COMMD1: variants seen among roughly 807,000 people sequenced by gnomAD.
The protein encoded by COMMD1 is COMM domain-containing protein 1.
In COMMD1, 10 loss-of-function variants were observed where a neutral mutation model predicts 17.2. The observed-to-expected ratio is 0.58, with a 90% CI of 0.36 to 0.99. The LOEUF (loss-of-function observed/expected upper bound fraction) is 0.99. COMMD1 is among the 50% of genes least tolerant of loss of function. COMMD1 has a pLI of 0.01. For missense variants in COMMD1, 270 were observed against 231.8 expected, an observed-to-expected ratio of 1.17 and a Z score of -1.07; for synonymous variants, 97 against 91.6, an observed-to-expected ratio of 1.06 and a Z score of -0.34.
chr2:61,956,322 A>G (rs1671197089), intron 1 of COMMD1, among the ~76,000 whole-genome samples: 1 of 152,248 alleles, frequency 6.6e-6, no homozygotes, highest in Non-Finnish European at 1.5e-5. Context: ...GATCTGTATC[A>G]GACAACTTGG....
chr2:62,125,460 AT>A (rs1287962836), intron 2 of COMMD1, among the ~76,000 whole-genome samples: 1 of 152,102 alleles, frequency 6.6e-6, no homozygotes, highest in Non-Finnish European at 1.5e-5. Context: ...GATTTGCAGT[AT>A]GATTTTTTTT....
At chr2:61,903,575 G>A (rs1276984778), upstream of COMMD1, among the ~76,000 whole-genome samples, 1 of 147,624 alleles carries the variant, frequency 6.8e-6, no homozygotes, top group Non-Finnish European at 1.5e-5. Context: ...TTTTTGAGAT[G>A]AAGTTTTGCT....
chr2:62,024,793 T>C (rs1188352632), intron 2 of COMMD1, among the ~76,000 whole-genome samples: 1 of 152,228 alleles, frequency 6.6e-6, no homozygotes, highest in Non-Finnish European at 1.5e-5. Context: ...AATTTCTTTT[T>C]CTCTCCACTC....
intron 1 of COMMD1, among the ~76,000 whole-genome samples, chr2:61,930,979 A>G (rs1427075491): frequency 6.6e-6 from 1 of 152,092 alleles, no homozygotes; most frequent in African/African-American, 2.4e-5. Context: ...GTGACTGTCA[A>G]ATATGTAATT....
chr2:62,117,185 T>C (rs112083146), intron 2 of COMMD1, among the ~76,000 whole-genome samples: 15 of 152,242 alleles, frequency 9.9e-5, no homozygotes, highest in African/African-American at 3.6e-4. Flanking sequence ...AACATGCTTC[T>C]CTGCCTGGGT....
intron 1 of COMMD1, among the ~76,000 whole-genome samples, chr2:61,940,794 C>G (rs1670723740): frequency 6.6e-6 from 1 of 151,518 alleles, no homozygotes; most frequent in Non-Finnish European, 1.5e-5. Flanking sequence ...TCAGGCCATT[C>G]TCCTGCCTCA....
rs544100543 is a variant in COMMD1 at position 61,923,140 on chromosome 2, A to G, written c.180+17282A>G. Among the ~76,000 whole-genome samples the G allele has an allele frequency of 8.3e-4, 126 of 152,222 alleles. 4 individuals are homozygous for G. Among genetic ancestry groups the G allele is most frequent in the Non-Finnish European group, 1.8e-3 (120 of 68,044 alleles). Reference sequence around the variant, plus strand: ...AGCTTACTTGATTAGTGGACTCAAAAACAGAAACTGCTACTTTTTATGGGA... The same window carrying G: ...AGCTTACTTGATTAGTGGACTCAAAGACAGAAACTGCTACTTTTTATGGGA... On this transcript the variant is annotated intron_variant, in intron 1 of 2. Transcript: ENST00000311832.
chr2:61,908,173 T>C (rs1669818888), intron 1 of COMMD1, among the ~76,000 whole-genome samples: 5 of 151,796 alleles, frequency 3.3e-5, no homozygotes, highest in African/African-American at 9.7e-5. Context: ...TTGTTTTACA[T>C]AGGGCTGAAA....
chr2:61,968,706 G>A (rs1671568308), intron 1 of COMMD1, among the ~76,000 whole-genome samples: 1 of 151,556 alleles, frequency 6.6e-6, no homozygotes, highest in East Asian at 1.9e-4. Context: ...ACAGGTGCAT[G>A]CCACCATGCC....
At chr2:62,033,757 C>T (rs1403365202) in intron 2 of COMMD1, among the ~76,000 whole-genome samples, 1 of 152,042 alleles carries the variant, frequency 6.6e-6, no homozygotes, top group Non-Finnish European at 1.5e-5. Context: ...TGAAACTCAT[C>T]AAATGGTGTG....
In COMMD1 at chr2:62,000,441, C is replaced by T. The variant is rs185554391; in HGVS notation, c.181-260C>T. ...GATTGCTGTTATTGCATATATACCACGCACAACCATGCCTGGCTAATTTTT... is the reference window on the plus strand; with the variant it reads ...GATTGCTGTTATTGCATATATACCATGCACAACCATGCCTGGCTAATTTTT... On this transcript the variant is annotated intron_variant, in intron 1 of 2. Transcript: ENST00000311832. Among the ~76,000 whole-genome samples, 86 of 151,866 alleles carry T rather than the reference C, an allele frequency of 5.7e-4. 1 individual carries two copies. Among genetic ancestry groups the T allele is most frequent in the Non-Finnish European group, 8.5e-4 (58 of 67,948 alleles).
chr2:62,006,511 C>A (rs989537742), intron 2 of COMMD1, among the ~76,000 whole-genome samples: 41 of 152,134 alleles, frequency 2.7e-4, no homozygotes, highest in African/African-American at 9.7e-4. Context: ...TGAGTAGGAA[C>A]TACTGACCCA....
At chr2:61,983,908 T>C (rs1398710391) in intron 1 of COMMD1, among the ~76,000 whole-genome samples, 1 of 152,238 alleles carries the variant, frequency 6.6e-6, no homozygotes, top group Admixed American at 6.5e-5. Context: ...TCTAATTCTT[T>C]AAGATGCATC....
chr2:61,925,396 G>C (rs1670304944), intron 1 of COMMD1, among the ~76,000 whole-genome samples: 1 of 152,060 alleles, frequency 6.6e-6, no homozygotes, highest in Non-Finnish European at 1.5e-5. Flanking sequence ...TATTGGGGAG[G>C]GGAGTTTGAG....
intron 2 of COMMD1, among the ~76,000 whole-genome samples, chr2:62,079,549 A>G (rs2103976055): frequency 6.6e-6 from 1 of 152,250 alleles, no homozygotes; most frequent in South Asian, 2.1e-4. Context: ...TCCCAGCCTC[A>G]TTTTCCTTGC....
chr2:61,905,715 A>C lies in COMMD1; in HGVS notation c.37A>C (p.Ser13Arg). The C allele has an allele frequency of 1.2e-6, 2 of 1,604,222 alleles. No homozygotes were observed. Among genetic ancestry groups the C allele is most frequent in the Non-Finnish European group, 1.7e-6 (2 of 1,174,768 alleles). The change falls in exon 1 of 3, where the codon AGC becomes CGC. Residue 13 changes from serine to arginine, a missense_variant. Ser to Arg is a moderately radical substitution (Grantham distance 110, BLOSUM62 -1). Transcript: ENST00000311832. ...AGELEGGKPL[S>R]GLLNALAQDT... ...CGAGCTTGAGGGTGGCAAACCCCTG[A>C]GCGGGCTGCTGAATGCGCTGGCCCA...
intron 2 of COMMD1, among the ~76,000 whole-genome samples, chr2:62,019,087 TTTCTCTCTCTCTCTTCCCTCCC>T (rs1669536541): frequency 8.0e-6 from 1 of 124,888 alleles, no homozygotes; most frequent in African/African-American, 3.1e-5. Context: ...TCTCTCTTTC[TTTCTCTCTCTCTCTTCCCTCCC>T]TCCCTCCCTC....
intron 2 of COMMD1, among the ~76,000 whole-genome samples, chr2:62,129,543 A>G (rs11678889): frequency 0.3 from 46,326 of 152,064 alleles, 7,196 homozygotes; most frequent in Admixed American, 0.34. Flanking sequence ...TGATAATTGT[A>G]AGAAAGCCAC....
rs375640399 is a variant in COMMD1 at position 61,976,812 on chromosome 2, T to C, written c.181-23889T>C. Reference sequence around the variant, plus strand: ...TTATTGGTTCATGCATTGTAACAAATGTACCACAGTGATGTGGGATTTTTT... The same window carrying C: ...TTATTGGTTCATGCATTGTAACAAACGTACCACAGTGATGTGGGATTTTTT... On this transcript the variant is annotated intron_variant, in intron 1 of 2. Coordinates refer to ENST00000311832, the MANE Select transcript of COMMD1 (RefSeq NM_152516.4). Among the ~76,000 whole-genome samples the C allele has an allele frequency of 1.0e-3, 158 of 152,146 alleles. 1 individual carries two copies. Among genetic ancestry groups the C allele is most frequent in the African/African-American group, 2.8e-3 (115 of 41,524 alleles).
Sources: gnomAD v4.1 joint callset for allele counts (sites outside exome capture counted in the v4.1 genomes callset) on GRCh38, gnomAD v4.1.1 for gene constraint, MANE v1.5 for transcripts, NCBI Gene and HGNC (gene_info 2026-07-23, HGNC 2026-07-21) for gene names.